The following CPA6 variants were observed in gnomAD, a reference collection of about 807,000 sequenced individuals.
The protein encoded by CPA6 is carboxypeptidase B.
CPA6 carries 58 observed loss-of-function variants against 63.3 expected under a neutral mutation model. The ratio of observed to expected loss-of-function variants is 0.92; its 90% confidence interval spans 0.74 to 1.14. The LOEUF (loss-of-function observed/expected upper bound fraction) is 1.14, where lower values mean the gene tolerates loss of function less well. Among genes scored for constraint, CPA6 ranks in the 50% most tolerant of loss-of-function variants. The pLI is 0.00. For synonymous variants in CPA6, 185 were observed against 179.0 expected (o/e 1.03, Z -0.27); for missense variants, 565 against 526.6 (o/e 1.07, Z -0.71).
chr8:67,457,247 C>A (rs779034887), intron 8 of CPA6, among the ~76,000 whole-genome samples: 2 of 152,200 alleles, frequency 1.3e-5, no homozygotes, highest in Non-Finnish European at 2.9e-5. Flanking sequence ...GAATTATGTG[C>A]TTTTCATGTT....
At chr8:67,585,419 C>T (rs1813901776) in intron 2 of CPA6, among the ~76,000 whole-genome samples, 1 of 152,006 alleles carries the variant, frequency 6.6e-6, no homozygotes, top group Non-Finnish European at 1.5e-5. Flanking sequence ...GGAGTTGCAC[C>T]AGTGTTTTTG....
intron 8 of CPA6, among the ~76,000 whole-genome samples, chr8:67,478,555 T>G (rs1417548824): frequency 6.6e-6 from 1 of 152,182 alleles, no homozygotes; most frequent in Non-Finnish European, 1.5e-5. Flanking sequence ...AGAGTCAGAA[T>G]TGAATTGAAT....
intron 4 of CPA6, among the ~76,000 whole-genome samples, chr8:67,511,251 T>C (rs1328436124): frequency 3.3e-5 from 5 of 152,204 alleles, no homozygotes; most frequent in African/African-American, 1.2e-4. Flanking sequence ...GCGATAATTA[T>C]AGCAACATTT....
intron 2 of CPA6, among the ~76,000 whole-genome samples, chr8:67,534,096 T>G (rs554541608): frequency 6.6e-6 from 1 of 152,296 alleles, no homozygotes; most frequent in South Asian, 2.1e-4. Context: ...GCTTGTAGAT[T>G]CCCCAATGTT....
intron 1 of CPA6, among the ~76,000 whole-genome samples, chr8:67,727,022 C>CT (rs1338599792): frequency 6.6e-6 from 1 of 152,110 alleles, no homozygotes; most frequent in African/African-American, 2.4e-5. Flanking sequence ...GCAATTCTTG[C>CT]TATAGGGTTG....
At chr8:67,711,217 T>C (rs76402049) in intron 1 of CPA6, among the ~76,000 whole-genome samples, 4,395 of 152,320 alleles carry the variant, frequency 0.029, 110 homozygotes, top group East Asian at 0.14. Context: ...AATCCTACTT[T>C]GAAATCCTCA....
intron 8 of CPA6, among the ~76,000 whole-genome samples, chr8:67,475,801 CTTTCTTTCTTTCTTTCCTTTCTTTTCTTT>C (rs1563967412): frequency 0.035 from 2,035 of 57,500 alleles, 64 homozygotes; most frequent in African/African-American, 0.038. Context: ...TTCTTTCTTT[CTTTCTTTCTTTCTTTCCTTTCTTTTCTTT>C]CTTTCTTTCT....
intron 2 of CPA6, among the ~76,000 whole-genome samples, chr8:67,562,465 G>GGCAGATGCTA (rs1480212336): frequency 6.6e-6 from 1 of 152,150 alleles, no homozygotes; most frequent in African/African-American, 2.4e-5. Context: ...GCTGTTGTAA[G>GGCAGATGCTA]GCAGATGCTA....
intron 1 of CPA6, among the ~76,000 whole-genome samples, chr8:67,663,330 CTT>C (rs755913039): frequency 3.9e-5 from 6 of 152,122 alleles, no homozygotes; most frequent in Admixed American, 2.0e-4. Context: ...CAACTAGACT[CTT>C]TGATCTGCTT....
At chr8:67,631,941 G>A (rs1050142715) in intron 1 of CPA6, among the ~76,000 whole-genome samples, 2 of 152,052 alleles carry the variant, frequency 1.3e-5, no homozygotes, top group African/African-American at 4.8e-5. Flanking sequence ...CTCTGAACAT[G>A]TCCGAACATC....
intron 10 of CPA6, among the ~76,000 whole-genome samples, chr8:67,425,672 C>G (rs1397212146): frequency 1.3e-5 from 2 of 152,170 alleles, no homozygotes; most frequent in Non-Finnish European, 2.9e-5. Flanking sequence ...CTGTGCCAGG[C>G]CAGAGATGGA....
intron 6 of CPA6, among the ~76,000 whole-genome samples, chr8:67,487,238 T>A (rs1452978965): frequency 6.6e-6 from 1 of 152,156 alleles, no homozygotes; most frequent in African/African-American, 2.4e-5. Context: ...CAGTGTGTGA[T>A]GTTCCCCACC....
In CPA6 at chr8:67,629,832, C is replaced by T. The variant is rs373008772; in HGVS notation, c.117-5581G>A. ...TACTTTTTATTCATTCCTGGCTGGG[C>T]GTGGTGGCTCACACCTGTAATCCCA... On this transcript the variant is annotated intron_variant, in intron 1 of 10. Coordinates refer to ENST00000297770, the MANE Select transcript of CPA6 (RefSeq NM_020361.5). Among the ~76,000 whole-genome samples the T allele has an allele frequency of 6.6e-5, 10 of 152,028 alleles. 1 individual carries two copies. Among genetic ancestry groups the T allele is most frequent in the Admixed American group, 2.6e-4 (4 of 15,250 alleles).
intron 2 of CPA6, among the ~76,000 whole-genome samples, chr8:67,539,311 G>T (rs985051051): frequency 6.6e-6 from 1 of 152,176 alleles, no homozygotes; most frequent in Non-Finnish European, 1.5e-5. Context: ...CTTTAAGAAC[G>T]TTGAATATTG....
chr8:67,505,021 G>A (rs986036912), intron 6 of CPA6, among the ~76,000 whole-genome samples: 10 of 152,180 alleles, frequency 6.6e-5, no homozygotes, highest in Non-Finnish European at 1.3e-4. Context: ...CATTGCATAT[G>A]CCTCTTCCTT....
At chr8:67,432,200 C>T (rs947353401) in intron 9 of CPA6, among the ~76,000 whole-genome samples, 1 of 152,134 alleles carries the variant, frequency 6.6e-6, no homozygotes, top group African/African-American at 2.4e-5. Flanking sequence ...ACTTTTAGCT[C>T]CATCCTTCAC....
At chr8:67,472,131 A>G (rs1811072101) in intron 8 of CPA6, among the ~76,000 whole-genome samples, 1 of 152,164 alleles carries the variant, frequency 6.6e-6, no homozygotes, top group African/African-American at 2.4e-5. Flanking sequence ...CCTTACTCAT[A>G]TGCTGACAGA....
At chr8:67,476,553 C>CTTT (rs71554607) in intron 8 of CPA6, among the ~76,000 whole-genome samples, 236 of 142,020 alleles carry the variant, frequency 1.7e-3, no homozygotes, top group African/African-American at 5.4e-3. Flanking sequence ...CTCTCTCTCT[C>CTTT]TTTTTTTTTT....
intron 8 of CPA6, among the ~76,000 whole-genome samples, chr8:67,465,640 T>C (rs888320624): frequency 6.6e-6 from 1 of 152,164 alleles, no homozygotes; most frequent in African/African-American, 2.4e-5. Flanking sequence ...TTGTCATAGA[T>C]GGCTAGTTTC....
Sources: allele counts gnomAD v4.1 joint callset (sites outside exome capture counted in the v4.1 genomes callset), GRCh38; gene constraint gnomAD v4.1.1; transcripts MANE v1.5; gene names NCBI Gene and HGNC (gene_info 2026-07-23, HGNC 2026-07-21).